Variants in EPHB1 observed in about 807,000 individuals in gnomAD.
EPHB1 encodes EPH receptor B1.
In EPHB1, 30 loss-of-function variants were observed where a neutral mutation model predicts 94.4. The observed-to-expected ratio is 0.32, with a 90% CI of 0.24 to 0.43. The LOEUF is 0.43. Ranked by LOEUF, EPHB1 falls within the 20% of genes least tolerant of loss-of-function variation. EPHB1 has a pLI of 1.00. For missense variants in EPHB1, 1,055 were observed against 1,308.3 expected (o/e 0.81, Z 2.99); for synonymous variants, 522 against 489.1 (o/e 1.07, Z -0.89).
chr3:135,085,467 C>T (rs573007019), intron 3 of EPHB1, among the ~76,000 whole-genome samples: 2 of 152,320 alleles, frequency 1.3e-5, no homozygotes, highest in South Asian at 4.1e-4. Flanking sequence ...TGGTTGCTTC[C>T]TTCTCCCAAC....
At chr3:135,012,044 C>T (rs754100647) in intron 3 of EPHB1, among the ~76,000 whole-genome samples, 33 of 152,220 alleles carry the variant, frequency 2.2e-4, no homozygotes, top group Non-Finnish European at 3.5e-4. Flanking sequence ...GAGAGTCTGT[C>T]AGAGTCTTCT....
intron 3 of EPHB1, among the ~76,000 whole-genome samples, chr3:135,098,845 G>A (rs1938913304): frequency 6.6e-6 from 1 of 151,766 alleles, no homozygotes. Context: ...AACCCCGTCT[G>A]TACTAAAAAT....
At chr3:135,100,498 T>G (rs1559830164) in intron 3 of EPHB1, among the ~76,000 whole-genome samples, 2 of 152,232 alleles carry the variant, frequency 1.3e-5, no homozygotes. Flanking sequence ...TCCCTCTTGC[T>G]TCTATTAATT....
At chr3:134,910,156 T>A (rs2038422787) in intron 1 of EPHB1, among the ~76,000 whole-genome samples, 1 of 152,212 alleles carries the variant, frequency 6.6e-6, no homozygotes, top group South Asian at 2.1e-4. Context: ...ATGTGGAAGT[T>A]ATCTAGTCCC....
At chr3:135,048,412 G>C (rs1451921358) in intron 3 of EPHB1, among the ~76,000 whole-genome samples, 1 of 151,448 alleles carries the variant, frequency 6.6e-6, no homozygotes, top group East Asian at 1.9e-4. Context: ...TGGGACTATG[G>C]GTGTGTGCCA....
intron 4 of EPHB1, among the ~76,000 whole-genome samples, chr3:135,116,904 T>A (rs1939743495): frequency 6.6e-6 from 1 of 152,202 alleles, no homozygotes; most frequent in Non-Finnish European, 1.5e-5. Context: ...ACCATGACTT[T>A]CCAGATTCCC....
At chr3:134,836,612 A>T (rs964850797) in intron 1 of EPHB1, among the ~76,000 whole-genome samples, 2 of 152,256 alleles carry the variant, frequency 1.3e-5, no homozygotes, top group African/African-American at 2.4e-5. Context: ...GGTTAAAATC[A>T]CATATTCATA....
chr3:135,038,098 G>A (rs147501012), intron 3 of EPHB1, among the ~76,000 whole-genome samples: 339 of 152,362 alleles, frequency 2.2e-3, no homozygotes, highest in African/African-American at 7.8e-3. Context: ...GGTGTGAGGG[G>A]CAAGTTAGCC....
At chr3:135,123,860 C>T (rs922501921) in intron 4 of EPHB1, among the ~76,000 whole-genome samples, 2 of 151,674 alleles carry the variant, frequency 1.3e-5, no homozygotes, top group African/African-American at 4.9e-5. Flanking sequence ...CCACCATCAC[C>T]TCTCCCCTAG....
intron 1 of EPHB1, among the ~76,000 whole-genome samples, chr3:134,849,565 C>T (rs961448443): frequency 1.2e-4 from 19 of 152,104 alleles, no homozygotes; most frequent in Admixed American, 8.5e-4. Flanking sequence ...TGGACTGGCA[C>T]GTGGAGCCTG....
chr3:135,064,309 T>C (rs1257071555), intron 3 of EPHB1, among the ~76,000 whole-genome samples: 1 of 152,180 alleles, frequency 6.6e-6, no homozygotes, highest in Non-Finnish European at 1.5e-5. Context: ...AGAATTCTGC[T>C]GTGAATCTGT....
At chr3:135,038,347 G>C (rs1329849972) in intron 3 of EPHB1, among the ~76,000 whole-genome samples, 1 of 152,178 alleles carries the variant, frequency 6.6e-6, no homozygotes, top group Non-Finnish European at 1.5e-5. Flanking sequence ...TCCGAGTCTT[G>C]CCTTTAACAG....
chr3:135,030,706 A>G (rs1306374374), intron 3 of EPHB1, among the ~76,000 whole-genome samples: 1 of 152,210 alleles, frequency 6.6e-6, no homozygotes, highest in Non-Finnish European at 1.5e-5. Flanking sequence ...CCAGAGGTGG[A>G]GCCTACAGAG....
chr3:134,837,933 C>T (rs999411833), intron 1 of EPHB1, among the ~76,000 whole-genome samples: 7 of 152,140 alleles, frequency 4.6e-5, no homozygotes, highest in Admixed American at 1.3e-4. Context: ...CTGGACATTA[C>T]GTAGCCATAG....
intron 11 of EPHB1, among the ~76,000 whole-genome samples, chr3:135,197,071 C>A (rs115430708): frequency 0.013 from 1,945 of 144,390 alleles, 39 homozygotes; most frequent in African/African-American, 0.048. Context: ...CTGCCTGGGC[C>A]ATATAGCGAG....
At chr3:134,954,651 A>G (rs1227752401) in intron 3 of EPHB1, among the ~76,000 whole-genome samples, 1 of 152,206 alleles carries the variant, frequency 6.6e-6, no homozygotes, top group Non-Finnish European at 1.5e-5. Context: ...CTGATTTGAT[A>G]TATCTTTTCT....
chr3:134,880,162 C>T (rs867639485), intron 1 of EPHB1, among the ~76,000 whole-genome samples: 1 of 152,212 alleles, frequency 6.6e-6, no homozygotes, highest in Non-Finnish European at 1.5e-5. Context: ...GCTGGTCAAA[C>T]ATTACCCATG....
chr3:134,943,093 G>C (rs1042707949), intron 2 of EPHB1, among the ~76,000 whole-genome samples: 3 of 152,188 alleles, frequency 2.0e-5, no homozygotes, highest in African/African-American at 4.8e-5. Flanking sequence ...ATCCAGCCCT[G>C]CCATGGATCC....
chr3:135,056,240 G>C (rs1005075170), intron 3 of EPHB1, among the ~76,000 whole-genome samples: 5 of 152,230 alleles, frequency 3.3e-5, no homozygotes, highest in African/African-American at 1.2e-4. Flanking sequence ...AAGAAGGTAA[G>C]GCTCCCTTCT....
Sources: gnomAD v4.1 joint callset for allele counts (sites outside exome capture counted in the v4.1 genomes callset) on GRCh38, gnomAD v4.1.1 for gene constraint, MANE v1.5 for transcripts, NCBI Gene and HGNC (gene_info 2026-07-23, HGNC 2026-07-21) for gene names.